The following PAPPA2 variants were observed in gnomAD, a reference collection of about 807,000 sequenced individuals.
The protein encoded by PAPPA2 is pappalysin-2.
PAPPA2 carries 86 observed loss-of-function variants against 176.4 expected under a neutral mutation model. That is an observed-to-expected ratio of 0.49 (90% confidence interval 0.41 to 0.58). PAPPA2 has a LOEUF of 0.58. PAPPA2 is among the 20% of genes least tolerant of loss of function. The probability of loss-of-function intolerance (pLI) is 0.00; values close to 1 mark genes in which losing one functional copy is unlikely to be tolerated. For synonymous variants in PAPPA2, 809 were observed against 852.2 expected, an observed-to-expected ratio of 0.95 and a Z score of 0.88; for missense variants, 2,073 against 2,256.9, an observed-to-expected ratio of 0.92 and a Z score of 1.65.
intron 1 of PAPPA2, among the ~76,000 whole-genome samples, chr1:176,467,082 T>G (rs1184165966): frequency 2.6e-5 from 4 of 152,188 alleles, no homozygotes; most frequent in Non-Finnish European, 5.9e-5. Flanking sequence ...AAACCTACAC[T>G]GTATAGTCTA....
rs532479005 is a variant in PAPPA2, at chr1:176,751,277, G to A, written c.4151+11081G>A. 7.2e-5 allele frequency among the ~76,000 whole-genome samples: 11 copies of A among 151,852 alleles called. No homozygotes were observed. In the South Asian group the frequency reaches 1.5e-3, roughly 20 times the overall value. On this transcript the variant is annotated intron_variant, in intron 14 of 22. Coordinates refer to ENST00000367662, the MANE Select transcript of PAPPA2 (RefSeq NM_020318.3). The stretch of plus-strand genomic sequence containing the variant: ...TATAGTTTGAAGTCAGGACATAGGC[G>A]TGGGCAAGGACTTCATGTCCAAAAC...
intron 1 of PAPPA2, among the ~76,000 whole-genome samples, chr1:176,501,877 C>T (rs1398711491): frequency 6.6e-6 from 1 of 152,126 alleles, no homozygotes; most frequent in Non-Finnish European, 1.5e-5. Flanking sequence ...TTCCTCTGAA[C>T]CTTTTGCAAT....
intron 3 of PAPPA2, among the ~76,000 whole-genome samples, chr1:176,602,544 T>A (rs1426403204): frequency 6.6e-6 from 1 of 152,154 alleles, no homozygotes; most frequent in Non-Finnish European, 1.5e-5. Flanking sequence ...GCTGGGCCCT[T>A]GCAGTGGCTG....
intron 3 of PAPPA2, among the ~76,000 whole-genome samples, chr1:176,636,065 T>G (rs2102717457): frequency 6.6e-6 from 1 of 152,230 alleles, no homozygotes; most frequent in South Asian, 2.1e-4. Flanking sequence ...TTCTTCGATG[T>G]TCTTTCCTCC....
chr1:176,784,847 A>G (rs1381155004), intron 17 of PAPPA2, among the ~76,000 whole-genome samples: 1 of 151,998 alleles, frequency 6.6e-6, no homozygotes, highest in Admixed American at 6.5e-5. Context: ...TGGCCTCCCA[A>G]AGTGCTGGGA....
chr1:176,785,142 G>T (rs1180251435), intron 17 of PAPPA2, among the ~76,000 whole-genome samples: 1 of 152,130 alleles, frequency 6.6e-6, no homozygotes, highest in Non-Finnish European at 1.5e-5. Flanking sequence ...TTCTTCAAGG[G>T]CCCTATGGGG....
At position 176,770,913 on chromosome 1, in the gene PAPPA2, A is replaced by T. The variant is rs574245491; in HGVS notation, c.4502-54A>T. On this transcript the variant is annotated intron_variant, in intron 16 of 22. Coordinates refer to ENST00000367662, the MANE Select transcript of PAPPA2 (RefSeq NM_020318.3). The stretch of plus-strand genomic sequence containing the variant: ...GGTTTTTATTTCATCTGCTATGATT[A>T]TCTTTCTGGGCTCTCTGTTCTGAGC... 28 of 1,535,320 alleles carry T rather than the reference A, an allele frequency of 1.8e-5. 1 individual carries two copies. The South Asian group carries it at 2.9e-4, about 16-fold the overall frequency.
At chr1:176,498,728 C>T (rs1298306000) in intron 1 of PAPPA2, among the ~76,000 whole-genome samples, 1 of 146,356 alleles carries the variant, frequency 6.8e-6, no homozygotes, top group Non-Finnish European at 1.5e-5. Context: ...CCAGCCTGGG[C>T]GACAGAGCGA....
Position 176,805,311 on chromosome 1 carries a change from G to C in PAPPA2, c.5202+5179G>C, listed in dbSNP as rs763253826. On this transcript the variant is annotated intron_variant, in intron 21 of 22. Coordinates refer to ENST00000367662, the MANE Select transcript of PAPPA2 (RefSeq NM_020318.3). ...ATGATTAAAATCCACCTAATTCTTG[G>C]CTCTGCTTTCTCTGTGAGCATGTAT... Among the ~76,000 whole-genome samples the C allele has an allele frequency of 1.6e-4, 25 of 151,998 alleles. 1 individual carries two copies. The highest frequency in any genetic ancestry group is 1.4e-3 in the Admixed American group (22 of 15,242).
intron 3 of PAPPA2, among the ~76,000 whole-genome samples, chr1:176,662,276 T>C (rs372485333): frequency 5.3e-5 from 8 of 152,282 alleles, no homozygotes; most frequent in African/African-American, 1.7e-4. Flanking sequence ...AAAGTTGTTA[T>C]GAGATTTACA....
Position 176,710,148 on chromosome 1 carries a change from C to T in PAPPA2, c.3623C>T (p.Ser1208Phe), listed in dbSNP as rs267598192. ...SHEDKKKCPV[S>F]LVTGEPHSLI... ...GAAGACAAGAAGAAGTGTCCTGTTT[C>T]CTTGGTAACTGGAGAACCTCATTCC... The change falls in exon 11 of 23, where the codon TCC (serine) becomes TTC (phenylalanine). Residue 1208 changes from serine (S) to phenylalanine (F), a missense_variant. Physicochemically the swap from Ser to Phe is radical, Grantham distance 155 (BLOSUM62 -2). Around this residue, in one of 4 missense-constraint regions of PAPPA2, gnomAD observed 846 missense variants for 857.9 expected, o/e 0.99. Coordinates refer to ENST00000367662, the MANE Select transcript of PAPPA2 (RefSeq NM_020318.3). 6.2e-7 allele frequency: 1 copy of T among 1,613,558 alleles called. No individual in the cohort carries two copies. Among genetic ancestry groups the T allele is most frequent in the Non-Finnish European group, 8.5e-7 (1 of 1,179,680 alleles).
At chr1:176,752,544 T>C (rs1415085903) in intron 14 of PAPPA2, among the ~76,000 whole-genome samples, 1 of 152,142 alleles carries the variant, frequency 6.6e-6, no homozygotes, top group Non-Finnish European at 1.5e-5. Context: ...GTGAATAATG[T>C]ATATTTGGTT....
At chr1:176,520,247 C>T (rs1649138812) in intron 1 of PAPPA2, among the ~76,000 whole-genome samples, 1 of 152,218 alleles carries the variant, frequency 6.6e-6, no homozygotes. Flanking sequence ...GATCCACATA[C>T]AAGGCTGGTT....
chr1:176,771,789 T>C (rs1664238676), intron 17 of PAPPA2, among the ~76,000 whole-genome samples: 1 of 152,220 alleles, frequency 6.6e-6, no homozygotes, highest in African/African-American at 2.4e-5. Context: ...AAGAAACACT[T>C]TTCCTCCAAT....
chr1:176,662,728 T>C (rs1203078761), intron 3 of PAPPA2, among the ~76,000 whole-genome samples: 1 of 152,096 alleles, frequency 6.6e-6, no homozygotes, highest in Non-Finnish European at 1.5e-5. Context: ...CAATCTAGGA[T>C]TAAATTGATT....
chr1:176,784,286 G>A (rs1229254791), intron 17 of PAPPA2, among the ~76,000 whole-genome samples: 1 of 152,086 alleles, frequency 6.6e-6, no homozygotes, highest in Non-Finnish European at 1.5e-5. Context: ...GGAGTCGTTT[G>A]GTTCCTGATG....
At chr1:176,722,877 T>A (rs1661688997) in intron 12 of PAPPA2, among the ~76,000 whole-genome samples, 1 of 152,208 alleles carries the variant, frequency 6.6e-6, no homozygotes, top group African/African-American at 2.4e-5. Flanking sequence ...ATTACTTTAA[T>A]ATATGTCAGT....
chr1:176,563,424 G>T (rs995952534), intron 2 of PAPPA2, among the ~76,000 whole-genome samples: 2 of 152,126 alleles, frequency 1.3e-5, no homozygotes, highest in Non-Finnish European at 2.9e-5. Flanking sequence ...AGCAGGGGTT[G>T]GCACATTATG....
At chr1:176,593,110 A>G (rs1653757992) in intron 2 of PAPPA2, among the ~76,000 whole-genome samples, 2 of 152,216 alleles carry the variant, frequency 1.3e-5, no homozygotes, top group African/African-American at 2.4e-5. Context: ...GTTAGGGAGG[A>G]AATATTTTTG....
Sources: gnomAD v4.1 joint callset for allele counts (sites outside exome capture counted in the v4.1 genomes callset) on GRCh38, gnomAD v4.1.1 for gene constraint, gnomAD v4.1.1 regional missense constraint, MANE v1.5 for transcripts, NCBI Gene and HGNC (gene_info 2026-07-23, HGNC 2026-07-21) for gene names.